DST: variants seen among roughly 807,000 people sequenced by gnomAD.
DST encodes dystonin, also known as bullous pemphigoid antigen.
DST carries 253 observed loss-of-function variants against 875.2 expected under a neutral mutation model. That is an observed-to-expected ratio of 0.29 (90% CI 0.26 to 0.32). DST has a LOEUF of 0.32. Among genes scored for constraint, DST ranks in the 10% least tolerant of loss-of-function variants. The pLI is 1.00. For synonymous variants in DST, 3,124 were observed against 3,197.1 expected (o/e 0.98, Z 0.77); for missense variants, 8,287 against 9,111.6 (o/e 0.91, Z 3.68).
intron 31 of DST, among the ~76,000 whole-genome samples, chr6:56,629,905 T>C (rs1473565338): frequency 6.6e-6 from 1 of 152,230 alleles, no homozygotes; most frequent in Non-Finnish European, 1.5e-5. Context: ...CTTTCTCAGA[T>C]TAACTTCTCT....
intron 49 of DST, among the ~76,000 whole-genome samples, chr6:56,589,113 C>G (rs1180501155): frequency 6.6e-6 from 1 of 152,070 alleles, no homozygotes; most frequent in Non-Finnish European, 1.5e-5. Flanking sequence ...CATCTTTGTG[C>G]CTTCATGAAA....
chr6:56,692,256 C>A, intron 9 of DST: 1 of 422,434 alleles, frequency 2.4e-6, no homozygotes, highest in South Asian at 2.5e-5. Context: ...ACTAACAAAA[C>A]GCAACAGAAA....
At chr6:56,737,614 A>T (rs2099530272) in intron 4 of DST, among the ~76,000 whole-genome samples, 1 of 152,258 alleles carries the variant, frequency 6.6e-6, no homozygotes, top group South Asian at 2.1e-4. Context: ...CCTATCAGAC[A>T]GCACTGCTCT....
intron 4 of DST, among the ~76,000 whole-genome samples, chr6:56,783,338 A>G (rs1310191624): frequency 1.3e-5 from 2 of 152,100 alleles, no homozygotes; most frequent in Admixed American, 1.3e-4. Flanking sequence ...AAAGTCTCCC[A>G]TTATTATTGT....
intron 39 of DST, 147 bp downstream of exon 39, chr6:56,610,280 A>C: frequency 1.7e-6 from 1 of 604,512 alleles, no homozygotes; most frequent in South Asian, 2.6e-5. Context: ...CAACACTGGA[A>C]TCTCCAAACA....
intron 5 of DST, among the ~76,000 whole-genome samples, chr6:56,717,141 C>T (rs1040034768): frequency 2.6e-5 from 4 of 151,966 alleles, no homozygotes; most frequent in Non-Finnish European, 4.4e-5. Flanking sequence ...CGAGATCGTG[C>T]CACTGCACTC....
chr6:56,731,658 G>A lies in DST; in HGVS notation c.687+3570C>T, dbSNP rs541034277. Among the ~76,000 whole-genome samples, 8 of 152,160 alleles carry A rather than the reference G, an allele frequency of 5.3e-5. No homozygotes were observed. In the South Asian group the frequency reaches 1.7e-3, roughly 32 times the overall value. On this transcript the variant is annotated intron_variant, in intron 5 of 103. Coordinates refer to ENST00000680361, the MANE Select transcript of DST (RefSeq NM_001374736.1). Reference sequence around the variant, plus strand: ...AATGCTCCTGATTCTTTTTAATGTTGTATTTCGCTGTTTGGATGTATCATA... The same window carrying A: ...AATGCTCCTGATTCTTTTTAATGTTATATTTCGCTGTTTGGATGTATCATA...
At chr6:56,751,898 C>G (rs1369448114) in intron 4 of DST, among the ~76,000 whole-genome samples, 1 of 152,122 alleles carries the variant, frequency 6.6e-6, no homozygotes, top group Non-Finnish European at 1.5e-5. Context: ...CAGGCATCAC[C>G]TGACACCTGA....
intron 36 of DST, chr6:56,615,573 A>C: frequency 6.2e-7 from 1 of 1,614,142 alleles, no homozygotes; most frequent in Non-Finnish European, 8.5e-7. Flanking sequence ...GATACTTCTA[A>C]CAGTTTAAGT....
intron 4 of DST, among the ~76,000 whole-genome samples, chr6:56,746,933 CAGGAGGGAAGGCAA>C (rs2099574226): frequency 6.6e-6 from 1 of 151,988 alleles, no homozygotes. Context: ...CTGATGGCTG[CAGGAGGGAAGGCAA>C]AGGGGAGAAG....
chr6:56,546,949 TAAC>T (rs1215025677), intron 61 of DST, among the ~76,000 whole-genome samples: 1 of 152,074 alleles, frequency 6.6e-6, no homozygotes, highest in Non-Finnish European at 1.5e-5. Context: ...CAAAACAAAA[TAAC>T]AACTACCAAA....
chr6:56,768,203 A>T (rs185099657), intron 4 of DST, among the ~76,000 whole-genome samples: 4 of 152,336 alleles, frequency 2.6e-5, no homozygotes, highest in African/African-American at 9.6e-5. Flanking sequence ...CTTATTTCTA[A>T]GGTATAAAAA....
At chr6:56,807,342 G>T (rs2099754320) in intron 4 of DST, among the ~76,000 whole-genome samples, 1 of 152,118 alleles carries the variant, frequency 6.6e-6, no homozygotes, top group Non-Finnish European at 1.5e-5. Flanking sequence ...CTGATCTTTA[G>T]ACTCAACACA....
chr6:56,648,449 A>T, intron 13 of DST, 121 bp downstream of exon 13: 2 of 861,120 alleles, frequency 2.3e-6, no homozygotes, highest in Non-Finnish European at 3.4e-6. Flanking sequence ...AATTTTGCCT[A>T]CTTATTAATG....
intron 4 of DST, among the ~76,000 whole-genome samples, chr6:56,845,473 T>C (rs993951862): frequency 5.3e-5 from 8 of 152,204 alleles, no homozygotes; most frequent in African/African-American, 1.9e-4. Context: ...CTCTTTTTTC[T>C]ATCCTGACCA....
intron 17 of DST, among the ~76,000 whole-genome samples, chr6:56,640,921 T>C (rs1034582560): frequency 2.0e-5 from 3 of 152,206 alleles, no homozygotes; most frequent in Admixed American, 6.5e-5. Flanking sequence ...TCAATGAGCA[T>C]TGTACTATGA....
chr6:56,647,404 C>T (rs1399175814), intron 13 of DST, among the ~76,000 whole-genome samples: 4 of 152,136 alleles, frequency 2.6e-5, no homozygotes, highest in Non-Finnish European at 5.9e-5. Flanking sequence ...GACAAACTCC[C>T]CGTGGCAATG....
intron 3 of DST, among the ~76,000 whole-genome samples, chr6:56,868,105 G>C (rs1398123702): frequency 1.3e-5 from 2 of 152,058 alleles, no homozygotes; most frequent in Non-Finnish European, 2.9e-5. Context: ...TAAACATGGG[G>C]GGTGTCAGTT....
At position 56,904,688 on chromosome 6, in the gene DST, T is replaced by G. The variant is rs554971180; in HGVS notation, c.217-4067A>C. Among the ~76,000 whole-genome samples, 14 of 152,298 alleles carry G rather than the reference T, an allele frequency of 9.2e-5. 2 individuals carry two copies. In the South Asian group the frequency reaches 2.7e-3, roughly 29 times the overall value. On this transcript the variant is annotated intron_variant, in intron 2 of 103. Transcript: ENST00000680361. ...TTACAGCTCCTTGATTTATGACACT[T>G]TCTTCTCCTAAGTAATATTAAAAAA...
Sources: gnomAD v4.1 joint callset for allele counts (sites outside exome capture counted in the v4.1 genomes callset) on GRCh38, gnomAD v4.1.1 for gene constraint, MANE v1.5 for transcripts, NCBI Gene and HGNC (gene_info 2026-07-23, HGNC 2026-07-21) for gene names.